Variants in DGKI observed in about 807,000 individuals in gnomAD.
DGKI encodes DAG kinase iota.
In DGKI, 55 loss-of-function variants were observed where a neutral mutation model predicts 147.5. The observed-to-expected ratio is 0.37, with a 90% CI of 0.30 to 0.47. The LOEUF (loss-of-function observed/expected upper bound fraction) is 0.47, where lower values mean the gene tolerates loss of function less well. DGKI is among the 20% of genes least tolerant of loss of function. The pLI is 1.00. For missense variants in DGKI, 1,007 were observed against 1,323.8 expected, an observed-to-expected ratio of 0.76 and a Z score of 3.71; for synonymous variants, 469 against 477.1, an observed-to-expected ratio of 0.98 and a Z score of 0.22.
chr7:137,427,040 C>T (rs1484529189), intron 28 of DGKI, among the ~76,000 whole-genome samples: 5 of 150,762 alleles, frequency 3.3e-5, no homozygotes, highest in Admixed American at 6.6e-5. Context: ...CAGCTCTGCA[C>T]CAAGTGGACC....
intron 23 of DGKI, among the ~76,000 whole-genome samples, chr7:137,484,491 C>A (rs770886222): frequency 2.0e-5 from 3 of 152,036 alleles, no homozygotes; most frequent in South Asian, 4.1e-4. Flanking sequence ...TCCCACATAC[C>A]TTTCCTCTTA....
chr7:137,412,829 G>A lies in DGKI; in HGVS notation c.2762-622C>T, dbSNP rs374287365. Reference sequence around the variant, plus strand: ...ATTGTGTGCTTGAGAAAACAACCACGTGTTTGGCATTTAATTTATTGATGA... The same window carrying A: ...ATTGTGTGCTTGAGAAAACAACCACATGTTTGGCATTTAATTTATTGATGA... On this transcript the variant is annotated intron_variant, in intron 28 of 32. Coordinates refer to ENST00000614521, the MANE Select transcript of DGKI (RefSeq NM_001321708.2). Among the ~76,000 whole-genome samples the A allele has an allele frequency of 3.0e-4, 45 of 152,164 alleles. No individual in the cohort carries two copies. The South Asian group carries it at 6.8e-3, about 23-fold the overall frequency.
At chr7:137,536,493 A>G (rs978573192) in intron 20 of DGKI, among the ~76,000 whole-genome samples, 4 of 152,152 alleles carry the variant, frequency 2.6e-5, no homozygotes, top group Non-Finnish European at 5.9e-5. Flanking sequence ...ACCAAGGACA[A>G]CGCTGTCTTG....
chr7:137,418,598 T>C (rs1812445894), intron 28 of DGKI, among the ~76,000 whole-genome samples: 1 of 152,238 alleles, frequency 6.6e-6, no homozygotes, highest in Admixed American at 6.5e-5. Flanking sequence ...ATCACAACTC[T>C]GAACACTTAT....
chr7:137,720,547 C>T (rs1002960719), intron 1 of DGKI, among the ~76,000 whole-genome samples: 6 of 151,988 alleles, frequency 3.9e-5, no homozygotes, highest in Non-Finnish European at 7.4e-5. Flanking sequence ...TGTGAGCCAC[C>T]GCGCCCGGCC....
At chr7:137,655,913 C>T (rs141530661) in intron 4 of DGKI, among the ~76,000 whole-genome samples, 2 of 152,164 alleles carry the variant, frequency 1.3e-5, no homozygotes, top group African/African-American at 4.8e-5. Flanking sequence ...ATGGACTTTG[C>T]CGAATCCACT....
At chr7:137,780,180 GA>G (rs1314975007) in intron 1 of DGKI, among the ~76,000 whole-genome samples, 2 of 152,168 alleles carry the variant, frequency 1.3e-5, no homozygotes, top group Non-Finnish European at 1.5e-5. Context: ...AAGAACTTAA[GA>G]ATCTGTTGAT....
chr7:137,549,575 A>G (rs1220907559), intron 20 of DGKI, among the ~76,000 whole-genome samples: 1 of 152,238 alleles, frequency 6.6e-6, no homozygotes, highest in African/African-American at 2.4e-5. Flanking sequence ...AAAAGAAGAC[A>G]GGCAAAGACA....
At chr7:137,521,747 A>G in intron 21 of DGKI, 119 bp downstream of exon 21, 1 of 722,418 alleles carries the variant, frequency 1.4e-6, no homozygotes, top group African/African-American at 1.8e-5. Flanking sequence ...GTTTCACTTC[A>G]CTTCTCTAAC....
At chr7:137,432,073 T>C (rs1248759924) in intron 28 of DGKI, among the ~76,000 whole-genome samples, 1 of 152,196 alleles carries the variant, frequency 6.6e-6, no homozygotes, top group Non-Finnish European at 1.5e-5. Flanking sequence ...CCCCCTTTGC[T>C]TTCTCTTCCT....
At chr7:137,495,502 C>CA (rs34551145) in intron 21 of DGKI, among the ~76,000 whole-genome samples, 6,107 of 57,464 alleles carry the variant, frequency 0.11, 590 homozygotes, top group African/African-American at 0.17. Flanking sequence ...CTGGCAGAGA[C>CA]AAAAAAAAAA....
chr7:137,460,884 A>T (rs1814414544), intron 27 of DGKI, among the ~76,000 whole-genome samples: 1 of 152,248 alleles, frequency 6.6e-6, no homozygotes, highest in African/African-American at 2.4e-5. Flanking sequence ...ATGGCCTTCT[A>T]TATAATTTTT....
chr7:137,475,412 T>A (rs1815135824), intron 23 of DGKI, among the ~76,000 whole-genome samples: 1 of 152,210 alleles, frequency 6.6e-6, no homozygotes, highest in Non-Finnish European at 1.5e-5. Flanking sequence ...CTGAATGTCT[T>A]CTATCACCAA....
chr7:137,427,931 T>A (rs919872400), intron 28 of DGKI, among the ~76,000 whole-genome samples: 1 of 149,610 alleles, frequency 6.7e-6, no homozygotes, highest in Non-Finnish European at 1.5e-5. Flanking sequence ...CCAAAAAGAG[T>A]CCACGACCAG....
chr7:137,545,981 G>A, intron 20 of DGKI: 2 of 701,712 alleles, frequency 2.9e-6, no homozygotes, highest in Non-Finnish European at 5.2e-6. Flanking sequence ...AGCAGGGAAT[G>A]AGCAGCGAAG....
chr7:137,578,819 T>C (rs1424010522), intron 15 of DGKI, among the ~76,000 whole-genome samples: 2 of 152,214 alleles, frequency 1.3e-5, no homozygotes, highest in Non-Finnish European at 2.9e-5. Context: ...TTCCGTAAGC[T>C]ATGTATGCAG....
rs372228499 is a variant in DGKI, at chr7:137,601,389, T to C, written c.1168-1484A>G. Among the ~76,000 whole-genome samples, 16 of 152,358 alleles carry C rather than the reference T, an allele frequency of 1.1e-4. No individual in the cohort carries two copies. The South Asian group carries it at 3.1e-3, about 30-fold the overall frequency. On this transcript the variant is annotated intron_variant, in intron 10 of 32. Coordinates refer to ENST00000614521, the MANE Select transcript of DGKI (RefSeq NM_001321708.2). The stretch of plus-strand genomic sequence containing the variant: ...CCCATAGCAAATAATATTTGACCAG[T>C]TGAGCCGAGTTTGTTGCTCATAATA...
chr7:137,549,492 A>G (rs1295942859), intron 20 of DGKI, among the ~76,000 whole-genome samples: 1 of 152,210 alleles, frequency 6.6e-6, no homozygotes. Context: ...CTGGGAACAC[A>G]CACACACACA....
chr7:137,565,494 T>A (rs1211337272), intron 19 of DGKI, among the ~76,000 whole-genome samples: 1 of 152,202 alleles, frequency 6.6e-6, no homozygotes, highest in Non-Finnish European at 1.5e-5. Flanking sequence ...CTCCATGTCC[T>A]TTTTACTCAC....
Sources: allele counts gnomAD v4.1 joint callset (sites outside exome capture counted in the v4.1 genomes callset), GRCh38; gene constraint gnomAD v4.1.1; transcripts MANE v1.5; gene names NCBI Gene and HGNC (gene_info 2026-07-23, HGNC 2026-07-21).